Variants in SGK3 observed in about 807,000 individuals in gnomAD.
SGK3 encodes serum/glucocorticoid regulated kinase family member 3.
Under a neutral mutation model 68.5 loss-of-function variants are expected in SGK3, and 47 were observed. The observed-to-expected ratio is 0.69, with a 90% CI of 0.54 to 0.87. The LOEUF (loss-of-function observed/expected upper bound fraction) is 0.87. Ranked by LOEUF, SGK3 falls within the 40% of genes least tolerant of loss-of-function variation. The pLI, the probability that SGK3 is intolerant of heterozygous loss-of-function variation, is 0.00. For missense variants in SGK3, 479 were observed against 575.5 expected (o/e 0.83, Z 1.72); for synonymous variants, 181 against 189.1 (o/e 0.96, Z 0.35).
intron 2 of SGK3, among the ~76,000 whole-genome samples, chr8:66,796,319 G>GTCT (rs1427904115): frequency 6.9e-5 from 1 of 14,416 alleles, no homozygotes; most frequent in African/African-American, 2.0e-4. Context: ...TGTATTTTTT[G>GTCT]TATTTTTTTT....
intron 1 of SGK3, among the ~76,000 whole-genome samples, chr8:66,785,176 CTCT>C: frequency 6.6e-6 from 1 of 152,224 alleles, no homozygotes; most frequent in Non-Finnish European, 1.5e-5. Context: ...GTGCTCTCTT[CTCT>C]TCAACTCTGT....
At chr8:66,780,670 C>T (rs149540720) in intron 1 of SGK3, among the ~76,000 whole-genome samples, 207 of 152,166 alleles carry the variant, frequency 1.4e-3, no homozygotes, top group African/African-American at 4.6e-3. Context: ...AACACAGAGG[C>T]GAGAGGCCCT....
At chr8:66,727,783 T>C (rs1224764861) in intron 1 of SGK3, among the ~76,000 whole-genome samples, 1 of 152,174 alleles carries the variant, frequency 6.6e-6, no homozygotes, top group East Asian at 1.9e-4. Flanking sequence ...GACATAAATT[T>C]CTGTTCTTTA....
chr8:66,747,056 C>A (rs912853438), intron 1 of SGK3, among the ~76,000 whole-genome samples: 3 of 150,692 alleles, frequency 2.0e-5, no homozygotes, highest in Admixed American at 6.6e-5. Flanking sequence ...TAGAATTTCT[C>A]ATTTCAAAAA....
chr8:66,779,987 A>G (rs1806908254), intron 1 of SGK3, among the ~76,000 whole-genome samples: 1 of 152,066 alleles, frequency 6.6e-6, no homozygotes, highest in African/African-American at 2.4e-5. Flanking sequence ...TGATTTTATA[A>G]AGCCTTAGTT....
chr8:66,770,493 T>TTTTG (rs577225615), intron 1 of SGK3, among the ~76,000 whole-genome samples: 1 of 152,196 alleles, frequency 6.6e-6, no homozygotes, highest in South Asian at 2.1e-4. Flanking sequence ...TTTTTCTGTT[T>TTTTG]TTTGTTTGTT....
intron 15 of SGK3, among the ~76,000 whole-genome samples, chr8:66,849,149 C>T (rs759344005): frequency 1.3e-5 from 2 of 152,156 alleles, no homozygotes; most frequent in Non-Finnish European, 2.9e-5. Context: ...GGTCCCATGG[C>T]TTTAGTTATC....
At chr8:66,833,611 T>C (rs1237855813) in intron 8 of SGK3, among the ~76,000 whole-genome samples, 1 of 152,248 alleles carries the variant, frequency 6.6e-6, no homozygotes, top group African/African-American at 2.4e-5. Flanking sequence ...CAATATTGTG[T>C]TGTCAAATCC....
At chr8:66,720,596 C>T (rs575053073) in intron 1 of SGK3, among the ~76,000 whole-genome samples, 1 of 145,962 alleles carries the variant, frequency 6.9e-6, no homozygotes, top group South Asian at 2.1e-4. Flanking sequence ...ATGGTGAAAC[C>T]CTTTCTCTAC....
chr8:66,842,915 C>T (rs552578508), intron 13 of SGK3, among the ~76,000 whole-genome samples: 19 of 151,966 alleles, frequency 1.3e-4, no homozygotes, highest in Non-Finnish European at 2.2e-4. Context: ...ATGAAAAATA[C>T]GAAAAACTAT....
In SGK3 at chr8:66,831,370, AG is replaced by A. The variant is rs1373297145; in HGVS notation, c.525+62del. The A allele has an allele frequency of 1.7e-5, 27 of 1,587,464 alleles. 1 individual carries two copies. Among genetic ancestry groups the A allele is most frequent in the Admixed American group, 3.4e-5 (2 of 57,978 alleles). On this transcript the variant is annotated intron_variant, in intron 8 of 16. Transcript: ENST00000521198. ...TGGTTTTGGTTTTTTTTTTGGAGACAGGGTCTCACTCTGTTGTCCAGGCTGG... is the reference window on the plus strand; with the variant it reads ...TGGTTTTGGTTTTTTTTTTGGAGACAGGTCTCACTCTGTTGTCCAGGCTGG...
At chr8:66,785,441 A>G (rs1275984686) in intron 1 of SGK3, among the ~76,000 whole-genome samples, 1 of 152,178 alleles carries the variant, frequency 6.6e-6, no homozygotes, top group African/African-American at 2.4e-5. Context: ...AGTGCTCAGT[A>G]AATATTTATT....
rs1371386872 is a variant in SGK3, at chr8:66,861,736, C to T, written c.*2155C>T. 6.6e-6 allele frequency: 1 copy of T among 152,076 alleles called. No individual in the cohort carries two copies. The highest frequency in any genetic ancestry group is 1.5e-5 in the Non-Finnish European group (1 of 68,030). The allele number at this position is 152,076 out of a possible 1,614,324, so 9.4% of individuals were successfully genotyped here. A position where few individuals can be genotyped will look rare whatever the true frequency, so the allele number is the denominator to read the frequency against. ...ATATTAATAATATTTACATCCAATA[C>T]ACTGAATCTTCCTTTAGAGGTAAGA... On this transcript the variant is annotated 3_prime_UTR_variant, in exon 17 of 17. Transcript: ENST00000521198.
chr8:66,817,365 A>G (rs1808633837), intron 5 of SGK3, among the ~76,000 whole-genome samples: 1 of 150,718 alleles, frequency 6.6e-6, no homozygotes, highest in Admixed American at 6.6e-5. Context: ...TGGGAGGCAG[A>G]GGTTGCAGTG....
At chr8:66,839,520 T>TAC (rs1809691708) in intron 10 of SGK3, among the ~76,000 whole-genome samples, 2 of 50,494 alleles carry the variant, frequency 4.0e-5, no homozygotes, top group South Asian at 7.0e-4. Flanking sequence ...TATATATATA[T>TAC]ATATATATAT....
Position 66,827,025 on chromosome 8 carries a change from A to G in SGK3, c.418-1629A>G, listed in dbSNP as rs1157422102. Among the ~76,000 whole-genome samples the G allele has an allele frequency of 8.5e-5, 13 of 152,188 alleles. No individual in the cohort carries two copies. The South Asian group carries it at 1.0e-3, about 12-fold the overall frequency. ...ATAGTTTATATTCTAGATATTACAAATTTGAAATGAATTTAAGTAAAAATA... is the reference window on the plus strand; with the variant it reads ...ATAGTTTATATTCTAGATATTACAAGTTTGAAATGAATTTAAGTAAAAATA... On this transcript the variant is annotated intron_variant, in intron 6 of 16. Coordinates refer to ENST00000521198, the MANE Select transcript of SGK3 (RefSeq NM_001033578.3).
chr8:66,823,233 T>G lies in SGK3; in HGVS notation c.417+774T>G, dbSNP rs528891580. ...TGAATTTTGGCCAACAGAAGAGGCC[T>G]TCTTGACCACATTACATCCCACTTA... On this transcript the variant is annotated intron_variant, in intron 6 of 16. Coordinates refer to ENST00000521198, the MANE Select transcript of SGK3 (RefSeq NM_001033578.3). Among the ~76,000 whole-genome samples the G allele has an allele frequency of 5.9e-5, 9 of 152,328 alleles. No individual in the cohort carries two copies. In the South Asian group the frequency reaches 6.2e-4, roughly 11 times the overall value.
intron 4 of SGK3, 127 bp from the exon 5 acceptor site, chr8:66,813,726 G>A: frequency 1.8e-6 from 1 of 551,776 alleles, no homozygotes; most frequent in Non-Finnish European, 2.8e-6. Flanking sequence ...TGTGTGACAA[G>A]TAGCATGAAT....
At chr8:66,786,022 GTTCTA>G (rs760624428) in intron 1 of SGK3, among the ~76,000 whole-genome samples, 23 of 152,052 alleles carry the variant, frequency 1.5e-4, no homozygotes, top group Admixed American at 4.6e-4. Context: ...ATAGCTTTTT[GTTCTA>G]TTCTTTCTTA....
Sources: gnomAD v4.1 joint callset for allele counts (sites outside exome capture counted in the v4.1 genomes callset) on GRCh38, gnomAD v4.1.1 for gene constraint, MANE v1.5 for transcripts, NCBI Gene and HGNC (gene_info 2026-07-23, HGNC 2026-07-21) for gene names.